The following CSGALNACT1 variants were observed in gnomAD, a reference collection of about 807,000 sequenced individuals.
CSGALNACT1 encodes chondroitin sulfate N-acetylgalactosaminyltransferase 1.
In CSGALNACT1, 52 loss-of-function variants were observed where a neutral mutation model predicts 51.0. The observed-to-expected ratio is 1.02, with a 90% CI of 0.82 to 1.29. The LOEUF is 1.29. CSGALNACT1 is among the 50% of genes most tolerant of loss of function. The probability of loss-of-function intolerance (pLI) is 0.00; values close to 1 mark genes in which losing one functional copy is unlikely to be tolerated. For synonymous variants in CSGALNACT1, 341 were observed against 254.4 expected (o/e 1.34, Z -3.24); for missense variants, 935 against 679.2 (o/e 1.38, Z -4.19).
chr8:19,598,755 G>C (rs971649431), intron 2 of CSGALNACT1, among the ~76,000 whole-genome samples: 9 of 152,198 alleles, frequency 5.9e-5, no homozygotes, highest in African/African-American at 1.7e-4. Context: ...GTGAGTTCAG[G>C]AGACGACTGC....
intron 6 of CSGALNACT1, among the ~76,000 whole-genome samples, chr8:19,437,701 T>C (rs1378348315): frequency 6.6e-6 from 1 of 152,174 alleles, no homozygotes; most frequent in Admixed American, 6.5e-5. Flanking sequence ...CAGGTATAGG[T>C]ATATACATAC....
At chr8:19,700,037 A>G (rs1244883335) in intron 1 of CSGALNACT1, among the ~76,000 whole-genome samples, 1 of 151,346 alleles carries the variant, frequency 6.6e-6, no homozygotes, top group Admixed American at 6.6e-5. Context: ...ACTTGAACCC[A>G]GGAGACAGAG....
intron 3 of CSGALNACT1, among the ~76,000 whole-genome samples, chr8:19,583,235 C>G (rs188212702): frequency 1.3e-5 from 2 of 152,168 alleles, no homozygotes; most frequent in Admixed American, 1.3e-4. Context: ...GAGTTCCAAG[C>G]CATTGCTACA....
intron 1 of CSGALNACT1, among the ~76,000 whole-genome samples, chr8:19,736,071 T>G (rs921913430): frequency 6.6e-6 from 1 of 152,140 alleles, no homozygotes; most frequent in Non-Finnish European, 1.5e-5. Flanking sequence ...CTTCAAAACT[T>G]ACGGAAATAG....
At chr8:19,508,190 GAGATGTTCCTCTCAA>G (rs2154003837) in intron 3 of CSGALNACT1, among the ~76,000 whole-genome samples, 1 of 152,342 alleles carries the variant, frequency 6.6e-6, no homozygotes, top group East Asian at 1.9e-4. Flanking sequence ...AGAAAAGAGA[GAGATGTTCCTCTCAA>G]AGACAGAATG....
intron 1 of CSGALNACT1, among the ~76,000 whole-genome samples, chr8:19,671,905 A>G (rs1490838757): frequency 6.6e-6 from 1 of 152,246 alleles, no homozygotes; most frequent in Non-Finnish European, 1.5e-5. Flanking sequence ...TAATGACTGC[A>G]GAGAATTCCA....
chr8:19,598,051 T>A (rs2049352656), intron 2 of CSGALNACT1, among the ~76,000 whole-genome samples: 1 of 151,576 alleles, frequency 6.6e-6, no homozygotes, highest in Admixed American at 6.6e-5. Flanking sequence ...ATCTGGAGGG[T>A]CAAGAGGAAG....
At chr8:19,590,227 A>G (rs1456010666) in intron 3 of CSGALNACT1, among the ~76,000 whole-genome samples, 1 of 152,242 alleles carries the variant, frequency 6.6e-6, no homozygotes, top group Non-Finnish European at 1.5e-5. Flanking sequence ...TTTTAACTAA[A>G]TGGATGATTA....
chr8:19,439,102 G>A (rs780487324), intron 6 of CSGALNACT1, among the ~76,000 whole-genome samples: 2 of 152,186 alleles, frequency 1.3e-5, no homozygotes, highest in African/African-American at 4.8e-5. Flanking sequence ...ACAGGCCAGC[G>A]TGCAGCGCCA....
chr8:19,670,094 C>A (rs1487790066), intron 1 of CSGALNACT1, among the ~76,000 whole-genome samples: 1 of 152,216 alleles, frequency 6.6e-6, no homozygotes, highest in Non-Finnish European at 1.5e-5. Flanking sequence ...ACTCCCTGCA[C>A]ATTTGCCTGT....
rs546736049 is a variant in CSGALNACT1, at chr8:19,576,511, T to C, written c.-297+14649A>G. Among the ~76,000 whole-genome samples the C allele has an allele frequency of 3.2e-4, 49 of 151,518 alleles. 3 individuals carry two copies. The South Asian group carries it at 0.01, about 32-fold the overall frequency. On this transcript the variant is annotated intron_variant, in intron 3 of 9. Coordinates refer to ENST00000454498, the Ensembl canonical transcript of CSGALNACT1. ...CCCGGCCTATTCCTAATCTTTCACA[T>C]GAACCTGCTGCAGTGGTGATAAGAT... is the stretch of plus-strand genomic sequence containing the variant.
chr8:19,652,765 G>C (rs1393754642), intron 1 of CSGALNACT1, among the ~76,000 whole-genome samples: 1 of 152,032 alleles, frequency 6.6e-6, no homozygotes, highest in Admixed American at 6.6e-5. Flanking sequence ...TTCAGTAATC[G>C]TCTTTGCCAA....
intron 1 of CSGALNACT1, among the ~76,000 whole-genome samples, chr8:19,676,083 T>TAAAAAA (rs1564404826): frequency 1.7e-5 from 1 of 59,098 alleles, no homozygotes; most frequent in African/African-American, 4.7e-5. Context: ...GTTGTCTGAT[T>TAAAAAA]TAAAAAACAA....
chr8:19,661,807 G>A (rs543155344), intron 1 of CSGALNACT1, among the ~76,000 whole-genome samples: 9 of 152,238 alleles, frequency 5.9e-5, no homozygotes, highest in South Asian at 2.1e-4. Context: ...TTCAAATCAC[G>A]GATATGCCTT....
intron 4 of CSGALNACT1, among the ~76,000 whole-genome samples, chr8:19,495,423 T>C (rs1028982255): frequency 6.6e-6 from 1 of 152,244 alleles, no homozygotes; most frequent in Non-Finnish European, 1.5e-5. Context: ...ATCGTATGCC[T>C]GCAGTATGGC....
intron 3 of CSGALNACT1, among the ~76,000 whole-genome samples, chr8:19,510,302 T>G (rs1230576002): frequency 6.6e-6 from 1 of 152,162 alleles, no homozygotes; most frequent in Admixed American, 6.5e-5. Context: ...GAAGGCTTCT[T>G]CATGGTCTTC....
At chr8:19,642,289 G>A (rs1459351144) in intron 1 of CSGALNACT1, among the ~76,000 whole-genome samples, 7 of 152,238 alleles carry the variant, frequency 4.6e-5, no homozygotes, top group South Asian at 4.1e-4. Context: ...AAAGTAAAAC[G>A]GTTACAATGA....
At chr8:19,405,949 T>C (rs761745169) in exon 10 of CSGALNACT1, 24 of 1,614,076 alleles carry the variant, frequency 1.5e-5, no homozygotes, top group Non-Finnish European at 1.9e-5. Flanking sequence ...GCGCTTCTCA[T>C]GCCAGAGGTG....
chr8:19,669,799 T>A (rs905705702), intron 1 of CSGALNACT1, among the ~76,000 whole-genome samples: 1 of 152,176 alleles, frequency 6.6e-6, no homozygotes. Flanking sequence ...TCAGAAGCCA[T>A]TTCTAATGTT....
Sources: gnomAD v4.1 joint callset for allele counts (sites outside exome capture counted in the v4.1 genomes callset) on GRCh38, gnomAD v4.1.1 for gene constraint, MANE v1.5 for transcripts, NCBI Gene and HGNC (gene_info 2026-07-23, HGNC 2026-07-21) for gene names.